Variants in IGF2R observed in about 807,000 individuals in gnomAD.
IGF2R encodes the protein cation-independent mannose-6-phosphate receptor.
In IGF2R, 91 loss-of-function variants were observed where a neutral mutation model predicts 270.6. The observed-to-expected ratio is 0.34, with a 90% CI of 0.28 to 0.40. The LOEUF is 0.40. IGF2R is among the 10% of genes least tolerant of loss of function. IGF2R has a pLI of 1.00. For missense variants in IGF2R, 2,805 were observed against 3,188.3 expected, an observed-to-expected ratio of 0.88 and a Z score of 2.90; for synonymous variants, 1,316 against 1,258.9, an observed-to-expected ratio of 1.05 and a Z score of -0.96.
In IGF2R at chr6:160,034,518, C is replaced by T. The variant is rs17847616; in HGVS notation, c.1311C>T (p.Thr437=). 167 of 1,602,810 alleles carry T rather than the reference C, an allele frequency of 1.0e-4. No individual in the cohort carries two copies. The East Asian group carries it at 2.8e-3, about 27-fold the overall frequency. Residue 437 remains threonine, a synonymous_variant, in exon 10 of 48, where the codon ACC becomes ACT. Transcript: ENST00000356956. ...MSVINFECNK[T]AGNDGKGTPV... ...TCATAAACTTTGAGTGCAATAAAACCGCAGGTAAGTGTGCGCTGGAGTTCA... is the reference window on the plus strand; with the variant it reads ...TCATAAACTTTGAGTGCAATAAAACTGCAGGTAAGTGTGCGCTGGAGTTCA...
chr6:160,100,382 G>A (rs896390476), intron 45 of IGF2R, among the ~76,000 whole-genome samples: 1 of 152,186 alleles, frequency 6.6e-6, no homozygotes, highest in African/African-American at 2.4e-5. Context: ...AAATATTAGG[G>A]ATAAAGAATA....
chr6:160,076,127 C>G, intron 36 of IGF2R, 131 bp downstream of exon 36: 1 of 847,670 alleles, frequency 1.2e-6, no homozygotes, highest in African/African-American at 1.7e-5. Context: ...AGATGGTACG[C>G]TAGTAGTGTG....
chr6:160,087,909 C>T (rs1161187537), intron 41 of IGF2R, 124 bp from the exon 42 acceptor site: 1 of 651,360 alleles, frequency 1.5e-6, no homozygotes, highest in Non-Finnish European at 2.8e-6. Flanking sequence ...CTCCTGACCT[C>T]AAGTGATCTG....
intron 44 of IGF2R, chr6:160,093,958 G>A (rs1320407371): frequency 2.0e-5 from 14 of 689,918 alleles, no homozygotes; most frequent in Non-Finnish European, 8.3e-6. Flanking sequence ...GGAGAAGGTG[G>A]ATGTAGAACA....
At position 160,085,056 on chromosome 6, in the gene IGF2R, A is replaced by G; in HGVS notation, c.6130A>G (p.Ser2044Gly). 1 of 1,614,116 alleles carries G rather than the reference A, an allele frequency of 6.2e-7. No homozygotes were observed. Among genetic ancestry groups the G allele is most frequent in the Non-Finnish European group, 8.5e-7 (1 of 1,179,990 alleles). The change falls in exon 41 of 48, where the codon AGC (serine) becomes GGC (glycine). Residue 2044 changes from serine to glycine, a missense_variant. Ser to Gly is a moderately conservative substitution (Grantham distance 56). This residue lies in a region of IGF2R where 1,851 missense variants were observed against 2,207.2 expected (regional missense o/e 0.84). Transcript: ENST00000356956. ...KGPLGCSERA[S>G]ICRRTTTGDV... ...GCCCCTGGGCTGCTCTGAAAGGGCCAGCATTTGCAGAAGGACCACAACTGG... is the reference window on the plus strand; with the variant it reads ...GCCCCTGGGCTGCTCTGAAAGGGCCGGCATTTGCAGAAGGACCACAACTGG...
At position 160,062,603 on chromosome 6, in the gene IGF2R, C is replaced by G. The variant is rs375087362; in HGVS notation, c.3654C>G (p.Pro1218=). 1 of 1,613,208 alleles carries G rather than the reference C, an allele frequency of 6.2e-7. No individual in the cohort carries two copies. Among genetic ancestry groups the G allele is most frequent in the South Asian group, 1.1e-5 (1 of 91,038 alleles). Residue 1218 remains proline (P), a synonymous_variant, in exon 26 of 48, where the codon CCC becomes CCG. Transcript: ENST00000356956. ...VFIWRTVEAC[P]VVRVEGDNCE... is the part of the protein sequence containing the mutation. ...TCTGGAGAACTGTGGAAGCCTGTCC[C>G]GTTGTCAGAGTGGAAGGTAGGACTG...
At chr6:160,080,526 A>G (rs1213505741) in intron 39 of IGF2R, among the ~76,000 whole-genome samples, 2 of 152,236 alleles carry the variant, frequency 1.3e-5, no homozygotes, top group Admixed American at 6.5e-5. Flanking sequence ...AGGCCCACTC[A>G]CTAGCTGGAG....
At chr6:159,991,756 A>G (rs573651966) in intron 2 of IGF2R, among the ~76,000 whole-genome samples, 96 of 152,324 alleles carry the variant, frequency 6.3e-4, no homozygotes, top group Non-Finnish European at 8.7e-4. Context: ...TCTGCTGTCA[A>G]AGATGGTCAC....
Position 160,080,177 on chromosome 6 carries a change from A to G in IGF2R, c.5735A>G (p.Lys1912Arg), listed in dbSNP as rs1778947300. The change falls in exon 39 of 48, where the codon AAG (lysine) becomes AGG (arginine). Residue 1912 changes from lysine to arginine, a missense_variant. This residue lies in a region of IGF2R where 1,851 missense variants were observed against 2,207.2 expected (regional missense o/e 0.84). Coordinates refer to ENST00000356956, the MANE Select transcript of IGF2R (RefSeq NM_000876.4). ...GTCTTCCCCTTCATATTCAATGGGA[A>G]GAGCTACGAGGAGTGCATCATAGAG... ...PCVFPFIFNG[K>R]SYEECIIESR... is the part of the protein sequence containing the mutation. 1 of 1,614,064 alleles carries G rather than the reference A, an allele frequency of 6.2e-7. No individual in the cohort carries two copies. Among genetic ancestry groups the G allele is most frequent in the South Asian group, 1.1e-5 (1 of 91,092 alleles).
intron 2 of IGF2R, among the ~76,000 whole-genome samples, chr6:159,992,933 CTTTTTAATAA>C (rs1326193502): frequency 6.6e-6 from 1 of 152,260 alleles, no homozygotes; most frequent in Admixed American, 6.5e-5. Flanking sequence ...TGCTTTTTGA[CTTTTTAATAA>C]TTGCCATTCC....
intron 43 of IGF2R, 107 bp downstream of exon 43, chr6:160,089,360 T>G: frequency 1.0e-6 from 1 of 969,402 alleles, no homozygotes; most frequent in South Asian, 1.8e-5. Flanking sequence ...GGTCTGTGTT[T>G]TAGTTACTGT....
chr6:160,010,454 A>G (rs1002476670), intron 3 of IGF2R: 13 of 414,450 alleles, frequency 3.1e-5, no homozygotes, highest in African/African-American at 2.4e-4. Context: ...GGGCGGTAGA[A>G]TTCCTTTGGA....
At chr6:160,028,909 A>G (rs568086387) in intron 6 of IGF2R, among the ~76,000 whole-genome samples, 2 of 150,232 alleles carry the variant, frequency 1.3e-5, no homozygotes, top group African/African-American at 2.5e-5. Context: ...TCCTTTTTTT[A>G]AAAAAAATAA....
intron 4 of IGF2R, among the ~76,000 whole-genome samples, chr6:160,014,535 C>T (rs562164632): frequency 6.6e-6 from 1 of 152,296 alleles, no homozygotes; most frequent in African/African-American, 2.4e-5. Flanking sequence ...GCAGATCTTG[C>T]CTATGTGGAA....
In IGF2R at chr6:160,060,835, G is replaced by C. The variant is rs1778423462; in HGVS notation, c.3262+118G>C. The C allele has an allele frequency of 6.8e-6, 6 of 876,618 alleles. No individual in the cohort carries two copies. The South Asian group carries it at 8.4e-5, about 12-fold the overall frequency. 54.3% of individuals were successfully genotyped at this position (876,618 alleles called of 1,614,324 possible). A position where few individuals can be genotyped will look rare whatever the true frequency, so the allele number is the denominator to read the frequency against. The stretch of plus-strand genomic sequence containing the variant: ...TTGTGTGTGTGTGGTGTGTATGCTT[G>C]GTTATGCAGGCAGCGTGACATTTCT... On this transcript the variant is annotated intron_variant, in intron 23 of 47. Transcript: ENST00000356956.
intron 2 of IGF2R, among the ~76,000 whole-genome samples, chr6:159,994,012 A>ATTTTTGGG (rs1417680692): frequency 1.9e-5 from 1 of 51,416 alleles, no homozygotes; most frequent in Non-Finnish European, 3.5e-5. Flanking sequence ...TTTTTTTTTC[A>ATTTTTGGG]GGGAGTAGTC....
Position 160,073,748 on chromosome 6 carries a change from A to G in IGF2R, c.4948-9A>G, listed in dbSNP as rs200449592. On this transcript the variant is annotated splice_polypyrimidine_tract_variant and intron_variant, in intron 34 of 47. Transcript: ENST00000356956. Reference sequence around the variant, plus strand: ...TTGTAGACTCAAAGCAGTCTTTCCTACTTAACAGACCGAATGTTCCGTGAG... The same window carrying G: ...TTGTAGACTCAAAGCAGTCTTTCCTGCTTAACAGACCGAATGTTCCGTGAG... 37 of 1,611,412 alleles carry G rather than the reference A, an allele frequency of 2.3e-5. No homozygotes were observed. Among genetic ancestry groups the G allele is most frequent in the Admixed American group, 3.3e-5 (2 of 59,972 alleles).
At chr6:160,010,920 G>T in intron 4 of IGF2R, 135 bp downstream of exon 4, 2 of 573,864 alleles carry the variant, frequency 3.5e-6, no homozygotes, top group Admixed American at 6.2e-5. Flanking sequence ...GATACCATGT[G>T]ATTTAATTTT....
intron 44 of IGF2R, among the ~76,000 whole-genome samples, chr6:160,092,269 A>G (rs1305408051): frequency 6.8e-6 from 1 of 146,438 alleles, no homozygotes; most frequent in African/African-American, 2.5e-5. Context: ...AGGATTCCAA[A>G]CCTACCTCCA....
Sources: gnomAD v4.1 joint callset for allele counts (sites outside exome capture counted in the v4.1 genomes callset) on GRCh38, gnomAD v4.1.1 for gene constraint, gnomAD v4.1.1 regional missense constraint, MANE v1.5 for transcripts, NCBI Gene and HGNC (gene_info 2026-07-23, HGNC 2026-07-21) for gene names.